MSH6: variants seen among roughly 807,000 people sequenced by gnomAD.
The protein encoded by MSH6 is DNA mismatch repair protein Msh6.
A neutral mutation model predicts 119.1 loss-of-function variants in MSH6; 85 were observed. That is an observed-to-expected ratio of 0.71 (90% confidence interval 0.60 to 0.85). The LOEUF (loss-of-function observed/expected upper bound fraction) is 0.85. MSH6 is among the 40% of genes least tolerant of loss of function. The pLI, the probability that MSH6 is intolerant of heterozygous loss-of-function variation, is 0.00. For synonymous variants in MSH6, 830 were observed against 586.9 expected (o/e 1.41, Z -5.99); for missense variants, 2,163 against 1,655.3 (o/e 1.31, Z -5.32).
intron 1 of MSH6, among the ~76,000 whole-genome samples, chr2:47,789,706 A>G (rs780872882): frequency 4.6e-5 from 7 of 152,164 alleles, no homozygotes; most frequent in Non-Finnish European, 7.4e-5. Flanking sequence ...GAGATGTAGT[A>G]TTTGCATATA....
At position 47,805,172 on chromosome 2, in the gene MSH6, AGT is replaced by A. The variant is rs1491562530; in HGVS notation, c.3556+146_3556+147del. 2.7e-4 allele frequency: 176 copies of A among 655,984 alleles called. 1 individual carries two copies. The highest frequency in any genetic ancestry group is 8.4e-4 in the Admixed American group (31 of 37,044). The allele number at this position is 655,984 out of a possible 1,614,324, so 40.6% of individuals were successfully genotyped here. A position where few individuals can be genotyped will look rare whatever the true frequency, so the allele number is the denominator to read the frequency against. On this transcript the variant is annotated intron_variant, in intron 6 of 9. Transcript: ENST00000234420. ...AAACATCACTTTTTAAGAACTGCATAGTCTCTCTCTCTTTTTTTTTTTTTTGA... is the reference window on the plus strand; with the variant it reads ...AAACATCACTTTTTAAGAACTGCATACTCTCTCTCTTTTTTTTTTTTTTGA...
intron 1 of MSH6, among the ~76,000 whole-genome samples, chr2:47,785,546 T>C (rs1311228233): frequency 6.6e-6 from 1 of 152,244 alleles, no homozygotes; most frequent in Non-Finnish European, 1.5e-5. Flanking sequence ...GTAATGGATT[T>C]CAAATCCATT....
chr2:47,800,771 A>C lies in MSH6; in HGVS notation c.2788A>C (p.Lys930Gln), dbSNP rs878853719. The stretch of plus-strand genomic sequence containing the variant: ...TCGAAAGACTGGACTTATTACTCCC[A>C]AAGCAGGCTTTGACTCTGATTATGA... ...KARKTGLITP[K>Q]AGFDSDYDQA... The change falls in exon 4 of 10, where the codon AAA becomes CAA. Residue 930 changes from lysine to glutamine, a missense_variant. Coordinates refer to ENST00000234420, the MANE Select transcript of MSH6 (RefSeq NM_000179.3). 4 of 1,614,178 alleles carry C rather than the reference A, an allele frequency of 2.5e-6. No individual in the cohort carries two copies. The East Asian group carries it at 6.7e-5, about 27-fold the overall frequency.
intron 5 of MSH6, among the ~76,000 whole-genome samples, chr2:47,804,528 C>T (rs1319020589): frequency 1.0e-5 from 1 of 95,278 alleles, no homozygotes; most frequent in Non-Finnish European, 2.0e-5. Flanking sequence ...AAGAATGTGA[C>T]AACGTGTAAA....
At position 47,789,169 on chromosome 2, in the gene MSH6, C is replaced by T. The variant is rs3136266; in HGVS notation, c.261-1758C>T. The T allele has an allele frequency of 1.8e-3, 384 of 211,414 alleles. 1 individual carries two copies. Among genetic ancestry groups the T allele is most frequent in the African/African-American group, 8.8e-3 (367 of 41,908 alleles). 13.1% of individuals were successfully genotyped at this position (211,414 alleles called of 1,614,324 possible). On this transcript the variant is annotated intron_variant, in intron 1 of 9. Coordinates refer to ENST00000234420, the MANE Select transcript of MSH6 (RefSeq NM_000179.3). The stretch of plus-strand genomic sequence containing the variant: ...TTGAACTCCTGACCTCGTGATCCAC[C>T]TGCCTTGGCCTCCCAAAGTGCTGGG...
At chr2:47,804,834 G>C (rs960178862) in intron 5 of MSH6, 76 bp from the exon 6 acceptor site, 1 of 1,080,690 alleles carries the variant, frequency 9.3e-7, no homozygotes, top group Admixed American at 1.7e-5. Context: ...TCTTACGTAA[G>C]GGTTCATAAG....
Position 47,799,306 on chromosome 2 carries a change from T to C in MSH6, c.1323T>C (p.Leu441=), listed in dbSNP as rs1361630967. 1.2e-6 allele frequency: 2 copies of C among 1,613,950 alleles called. No homozygotes were observed. The highest frequency in any genetic ancestry group is 1.7e-6 in the Non-Finnish European group (2 of 1,180,026). The change falls in exon 4 of 10, where the codon CTT becomes CTC. Residue 441 remains leucine, a synonymous_variant. Transcript: ENST00000234420. ...ATGAGCTGTACCACATGGATGCTCTTATTGGAGTCAGTGAACTGGGGCTGG... is the reference window on the plus strand; with the variant it reads ...ATGAGCTGTACCACATGGATGCTCTCATTGGAGTCAGTGAACTGGGGCTGG... ...KFYELYHMDA[L]IGVSELGLVF...
rs869312601 is a variant in MSH6, at chr2:47,783,772, C to T, written c.260+279C>T. 9 of 510,052 alleles carry T rather than the reference C, an allele frequency of 1.8e-5. No homozygotes were observed. In the East Asian group the frequency reaches 3.5e-4, roughly 20 times the overall value. 31.6% of individuals were successfully genotyped at this position (510,052 alleles called of 1,614,324 possible). ...GCCTTTTGGAGGGAGGAGACGCGTC[C>T]CGCCAGGTGGGGGTGCTGGGCTAAG... On this transcript the variant is annotated intron_variant, in intron 1 of 9. Coordinates refer to ENST00000234420, the MANE Select transcript of MSH6 (RefSeq NM_000179.3).
At chr2:47,802,854 C>G (rs3136343) in intron 4 of MSH6, among the ~76,000 whole-genome samples, 3,509 of 152,202 alleles carry the variant, frequency 0.023, 152 homozygotes, top group African/African-American at 0.08. Context: ...AGTGTGCCAA[C>G]TTTGGCACAT....
At chr2:47,801,527 A>G (rs1280662568) in intron 4 of MSH6, among the ~76,000 whole-genome samples, 3 of 151,648 alleles carry the variant, frequency 2.0e-5, no homozygotes, top group African/African-American at 4.8e-5. Context: ...ACCACCATGC[A>G]TGGCTAATAT....
At position 47,799,229 on chromosome 2, in the gene MSH6, A is replaced by G. The variant is rs1669311750; in HGVS notation, c.1246A>G (p.Ile416Val). The G allele has an allele frequency of 6.2e-7, 1 of 1,614,170 alleles. No homozygotes were observed. The highest frequency in any genetic ancestry group is 8.5e-7 in the Non-Finnish European group (1 of 1,180,024). ...TCCTGGGATGAGGAAGTGGTGGCAG[A>G]TTAAGTCTCAGAACTTTGATCTTGT... is the stretch of plus-strand genomic sequence containing the variant. Reference protein sequence around the residue: ...CTPGMRKWWQIKSQNFDLVIC... With the variant: ...CTPGMRKWWQVKSQNFDLVIC... The change falls in exon 4 of 10, where the codon ATT becomes GTT. Residue 416 changes from isoleucine (I) to valine (V), a missense_variant. Coordinates refer to ENST00000234420, the MANE Select transcript of MSH6 (RefSeq NM_000179.3).
At chr2:47,788,906 CCTTTTTTTTTTTTTTGTT>C (rs753191690) in intron 1 of MSH6, among the ~76,000 whole-genome samples, 3,027 of 15,292 alleles carry the variant, frequency 0.2, 184 homozygotes, top group Non-Finnish European at 0.26. Flanking sequence ...CTTTCTTCTT[CCTTTTTTTTTTTTTTGTT>C]TTTTTTTTTT....
At chr2:47,788,934 T>TGTTTTTTTTTTTTG (rs1558650280) in intron 1 of MSH6, among the ~76,000 whole-genome samples, 1 of 99,650 alleles carries the variant, frequency 1.0e-5, no homozygotes, top group Non-Finnish European at 2.0e-5. Flanking sequence ...TTTTTTTTTT[T>TGTTTTTTTTTTTTG]TTTTTTTTTT....
intron 5 of MSH6, among the ~76,000 whole-genome samples, chr2:47,804,483 T>C (rs555209135): frequency 3.3e-5 from 5 of 151,920 alleles, no homozygotes; most frequent in African/African-American, 1.2e-4. Flanking sequence ...TGTATAGTGA[T>C]TTCCAAACTT....
chr2:47,793,328 A>ATC (rs1245580228), intron 2 of MSH6, among the ~76,000 whole-genome samples: 29 of 130,116 alleles, frequency 2.2e-4, no homozygotes, highest in Non-Finnish European at 4.3e-4. Context: ...CAAAAAAAAA[A>ATC]AAAAAAAAAA....
chr2:47,799,658 T>TGC lies in MSH6; in HGVS notation c.1676_1677dup (p.Phe560AlafsTer12). The TGC allele has an allele frequency of 6.2e-7, 1 of 1,614,186 alleles. No homozygotes were observed. The highest frequency in any genetic ancestry group is 8.5e-7 in the Non-Finnish European group (1 of 1,180,038). On this transcript the variant is annotated frameshift_variant, in exon 4 of 10. Coordinates refer to ENST00000234420, the MANE Select transcript of MSH6 (RefSeq NM_000179.3). LOFTEE classifies it high-confidence loss of function. ...TGGCCATACTCGTGCATATGGTGTG[T>TGC]GCTTTGTTGATACTTCACTGGGAAA...
chr2:47,795,413 A>G (rs894038225), intron 2 of MSH6, among the ~76,000 whole-genome samples: 1 of 138,698 alleles, frequency 7.2e-6, no homozygotes, highest in Non-Finnish European at 1.6e-5. Context: ...CCAGCCAACA[A>G]GTTATTTTAT....
At chr2:47,809,130 T>A (rs748110588), downstream of MSH6, 1 of 1,376,292 alleles carries the variant, frequency 7.3e-7, no homozygotes, top group African/African-American at 1.5e-5. Flanking sequence ...CTTCCTCTTT[T>A]CAGGACTCAA....
intron 2 of MSH6, 26 bp downstream of exon 2, chr2:47,791,149 T>C (rs780630643): frequency 2.5e-6 from 4 of 1,586,722 alleles, no homozygotes; most frequent in Non-Finnish European, 3.5e-6. Flanking sequence ...GCCATGTGTG[T>C]GTGTTTGTGT....
Sources: allele counts gnomAD v4.1 joint callset (sites outside exome capture counted in the v4.1 genomes callset), GRCh38; gene constraint gnomAD v4.1.1; transcripts MANE v1.5; gene names NCBI Gene and HGNC (gene_info 2026-07-23, HGNC 2026-07-21).